SIPA1L1: variants seen among roughly 807,000 people sequenced by gnomAD.
SIPA1L1 encodes the protein signal-induced proliferation-associated 1-like protein 1.
Under a neutral mutation model 162.7 loss-of-function variants are expected in SIPA1L1, and 26 were observed. The observed-to-expected ratio is 0.16, with a 90% CI of 0.12 to 0.22. The LOEUF (loss-of-function observed/expected upper bound fraction) is 0.22, where lower values mean the gene tolerates loss of function less well. Among genes scored for constraint, SIPA1L1 ranks in the 10% least tolerant of loss-of-function variants. The probability of loss-of-function intolerance (pLI) is 1.00; values close to 1 mark genes in which losing one functional copy is unlikely to be tolerated. For synonymous variants in SIPA1L1, 829 were observed against 837.4 expected (o/e 0.99, Z 0.17); for missense variants, 1,874 against 2,241.0 (o/e 0.84, Z 3.31).
At chr14:71,548,591 G>T (rs1251922939) in intron 4 of SIPA1L1, among the ~76,000 whole-genome samples, 1 of 151,942 alleles carries the variant, frequency 6.6e-6, no homozygotes, top group Non-Finnish European at 1.5e-5. Context: ...AGTAAATGTG[G>T]TATTTAGTAT....
intron 2 of SIPA1L1, among the ~76,000 whole-genome samples, chr14:71,438,970 T>G (rs998372078): frequency 3.4e-5 from 5 of 148,346 alleles, no homozygotes; most frequent in Admixed American, 6.7e-5. Context: ...GGAGAGCAGG[T>G]TTTTTTTTTG....
chr14:71,627,027 CA>C lies in SIPA1L1; in HGVS notation c.1818+2792del, dbSNP rs538085341. Among the ~76,000 whole-genome samples the C allele has an allele frequency of 1.7e-3, 251 of 150,690 alleles. 1 individual carries two copies. The highest frequency in any genetic ancestry group is 5.4e-3 in the African/African-American group (220 of 41,078). On this transcript the variant is annotated intron_variant, in intron 7 of 23. Transcript: ENST00000381232. ...ATATATATGTGGGAGCTGAAGTATG[CA>C]TTTCAATTCCTGAAGAAACTTATTT...
Position 71,588,856 on chromosome 14 carries a change from A to C in SIPA1L1, c.984A>C (p.Pro328=). 7 of 1,614,152 alleles carry C rather than the reference A, an allele frequency of 4.3e-6. No individual in the cohort carries two copies. Among genetic ancestry groups the C allele is most frequent in the Non-Finnish European group, 5.9e-6 (7 of 1,180,004 alleles). ...ACTCTGTCAGGCCCTGGACATGTCC[A>C]AAGTGCTTTGCCCACTATGATGTCC... ...SEDSVRPWTC[P]KCFAHYDVQS... The change falls in exon 5 of 24, where the codon CCA becomes CCC. Residue 328 remains proline (P), a synonymous_variant. Coordinates refer to ENST00000381232, the MANE Select transcript of SIPA1L1 (RefSeq NM_001386936.1). This position sits in a 1 kb window ranked among gnomAD's most constrained non-coding sequence, Gnocchi z 4.3.
rs1261361967 is a variant in SIPA1L1, at chr14:71,518,428, C to G, written c.-362+5583C>G. On this transcript the variant is annotated intron_variant, in intron 3 of 23. Coordinates refer to ENST00000381232, the MANE Select transcript of SIPA1L1 (RefSeq NM_001386936.1). ...TTGCAAGTACCATTATTAAATAATT[C>G]AACCTTTCTCCATTAACCTGGAAGT... 2.0e-5 allele frequency among the ~76,000 whole-genome samples: 3 copies of G among 152,242 alleles called. No homozygotes were observed. In the South Asian group the frequency reaches 6.2e-4, roughly 32 times the overall value.
At chr14:71,593,128 A>G (rs2035603999) in intron 5 of SIPA1L1, among the ~76,000 whole-genome samples, 1 of 152,210 alleles carries the variant, frequency 6.6e-6, no homozygotes, top group Non-Finnish European at 1.5e-5. Context: ...ACTAGGCAGT[A>G]GGGCTGCATT....
rs111910672 is a variant in SIPA1L1, at chr14:71,400,105, A to G, written c.-465+78924A>G. Among the ~76,000 whole-genome samples, 85 of 152,170 alleles carry G rather than the reference A, an allele frequency of 5.6e-4. 2 individuals are homozygous for G. Among genetic ancestry groups the G allele is most frequent in the African/African-American group, 1.9e-3 (80 of 41,532 alleles). On this transcript the variant is annotated intron_variant, in intron 2 of 23. Transcript: ENST00000381232. ...CTCCCAAAGTGCTGGGATTACAGGC[A>G]TCAGCTGAGGTACCAGACCCAGCCC... is the stretch of plus-strand genomic sequence containing the variant.
chr14:71,522,666 C>G (rs2144946278), intron 3 of SIPA1L1, among the ~76,000 whole-genome samples: 1 of 151,714 alleles, frequency 6.6e-6, no homozygotes, highest in East Asian at 1.9e-4. Flanking sequence ...TCTATTCACT[C>G]TATCATCTAA....
At chr14:71,680,303 G>C (rs1287905090) in intron 12 of SIPA1L1, among the ~76,000 whole-genome samples, 1 of 152,182 alleles carries the variant, frequency 6.6e-6, no homozygotes, top group South Asian at 2.1e-4. Context: ...CATGGAAACT[G>C]AACATCCTGC....
chr14:71,360,069 C>T lies in SIPA1L1; in HGVS notation c.-465+38888C>T, dbSNP rs185113788. Among the ~76,000 whole-genome samples the T allele has an allele frequency of 2.0e-3, 306 of 152,228 alleles. 1 individual carries two copies. The highest frequency in any genetic ancestry group is 3.9e-3 in the Non-Finnish European group (264 of 68,020). Reference sequence around the variant, plus strand: ...GATCTCCCATCTTGTGAGAGTTGAACAGTGCTTCGGGGTCATCTAGATGTG... The same window carrying T: ...GATCTCCCATCTTGTGAGAGTTGAATAGTGCTTCGGGGTCATCTAGATGTG... On this transcript the variant is annotated intron_variant, in intron 2 of 23. Coordinates refer to ENST00000381232, the MANE Select transcript of SIPA1L1 (RefSeq NM_001386936.1).
intron 2 of SIPA1L1, among the ~76,000 whole-genome samples, chr14:71,334,936 A>G (rs2034930265): frequency 6.6e-6 from 1 of 152,220 alleles, no homozygotes; most frequent in African/African-American, 2.4e-5. Context: ...TAGAGGTAGT[A>G]GTAAATAGTT....
At chr14:71,457,780 G>A (rs2141777742) in intron 2 of SIPA1L1, among the ~76,000 whole-genome samples, 1 of 151,826 alleles carries the variant, frequency 6.6e-6, no homozygotes, top group South Asian at 2.1e-4. Context: ...ATTTTTAGTA[G>A]AGATGGGGGT....
At chr14:71,540,644 A>G (rs916091112) in intron 4 of SIPA1L1, among the ~76,000 whole-genome samples, 2 of 152,354 alleles carry the variant, frequency 1.3e-5, no homozygotes, top group Admixed American at 1.3e-4. Context: ...AAAAGAATAC[A>G]GTGACAAGGG....
In SIPA1L1 at chr14:71,423,997, T is replaced by G. The variant is rs537833833; in HGVS notation, c.-464-88746T>G. ...TTCAGCAGTGTTTTGTAGTTTTCAT[T>G]GTACAAGTCTTTCACTTCCTTGTTT... On this transcript the variant is annotated intron_variant, in intron 2 of 23. Coordinates refer to ENST00000381232, the MANE Select transcript of SIPA1L1 (RefSeq NM_001386936.1). Among the ~76,000 whole-genome samples the G allele has an allele frequency of 3.9e-5, 6 of 152,272 alleles. No homozygotes were observed. In the South Asian group the frequency reaches 1.2e-3, roughly 32 times the overall value.
At chr14:71,465,397 C>G (rs1242567894) in intron 2 of SIPA1L1, among the ~76,000 whole-genome samples, 1 of 152,162 alleles carries the variant, frequency 6.6e-6, no homozygotes, top group African/African-American at 2.4e-5. Context: ...CATCATTTTC[C>G]TTCATCACTT....
chr14:71,511,331 C>A (rs1389818976), intron 2 of SIPA1L1, among the ~76,000 whole-genome samples: 1 of 152,140 alleles, frequency 6.6e-6, no homozygotes, highest in African/African-American at 2.4e-5. Context: ...GTTGCCCAGG[C>A]TGTAGTAGAG....
chr14:71,708,208 T>A (rs1406923086), intron 16 of SIPA1L1, among the ~76,000 whole-genome samples: 2 of 151,932 alleles, frequency 1.3e-5, no homozygotes, highest in Admixed American at 6.6e-5. Context: ...TCCTGAAGAC[T>A]TACACATATG....
At position 71,694,162 on chromosome 14, in the gene SIPA1L1, C is replaced by T. The variant is rs115914634; in HGVS notation, c.3375-4819C>T. ...CTATTAATGTTGGCACTATATATGT[C>T]GTCCTGTGAGTTGATTCATGGAATA... On this transcript the variant is annotated intron_variant, in intron 13 of 23. Coordinates refer to ENST00000381232, the MANE Select transcript of SIPA1L1 (RefSeq NM_001386936.1). Among the ~76,000 whole-genome samples the T allele has an allele frequency of 1.9e-3, 291 of 152,154 alleles. 1 individual carries two copies. Among genetic ancestry groups the T allele is most frequent in the Non-Finnish European group, 2.7e-3 (183 of 68,004 alleles).
chr14:71,691,785 C>T (rs759007439), intron 13 of SIPA1L1, among the ~76,000 whole-genome samples: 5 of 152,154 alleles, frequency 3.3e-5, no homozygotes, highest in Non-Finnish European at 5.9e-5. Flanking sequence ...CATGCCTGCT[C>T]CTCTGACAAG....
intron 7 of SIPA1L1, among the ~76,000 whole-genome samples, chr14:71,640,907 G>A (rs2041644030): frequency 6.6e-6 from 1 of 152,154 alleles, no homozygotes; most frequent in Admixed American, 6.5e-5. Context: ...TTACAGGCAT[G>A]AGCCACCACA....
Sources: allele counts gnomAD v4.1 joint callset (sites outside exome capture counted in the v4.1 genomes callset), GRCh38; gene constraint gnomAD v4.1.1; non-coding constraint Gnocchi (gnomAD v3.1); transcripts MANE v1.5; gene names NCBI Gene and HGNC (gene_info 2026-07-23, HGNC 2026-07-21).